Variants in SLIT3 observed in about 807,000 individuals in gnomAD.
The protein encoded by SLIT3 is slit homolog 3 protein.
SLIT3 carries 68 observed loss-of-function variants against 184.0 expected under a neutral mutation model. The ratio of observed to expected loss-of-function variants is 0.37; its 90% CI spans 0.30 to 0.45. The LOEUF is 0.45. Among genes scored for constraint, SLIT3 ranks in the 20% least tolerant of loss-of-function variants. The probability of loss-of-function intolerance (pLI) is 1.00; values close to 1 mark genes in which losing one functional copy is unlikely to be tolerated. For missense variants in SLIT3, 1,707 were observed against 2,026.0 expected, an observed-to-expected ratio of 0.84 and a Z score of 3.02; for synonymous variants, 831 against 828.6, an observed-to-expected ratio of 1.00 and a Z score of -0.05.
At chr5:169,195,806 G>T (rs534265245) in intron 3 of SLIT3, among the ~76,000 whole-genome samples, 1 of 152,284 alleles carries the variant, frequency 6.6e-6, no homozygotes, top group South Asian at 2.1e-4. Flanking sequence ...AATTACAGGA[G>T]TGAGTCACCG....
intron 4 of SLIT3, among the ~76,000 whole-genome samples, chr5:169,141,497 T>G (rs1761738608): frequency 6.6e-6 from 1 of 151,904 alleles, no homozygotes; most frequent in Non-Finnish European, 1.5e-5. Flanking sequence ...CCCAGTACTT[T>G]GGGAGGCCAA....
At chr5:169,043,026 T>C (rs2113028519) in intron 4 of SLIT3, among the ~76,000 whole-genome samples, 1 of 152,338 alleles carries the variant, frequency 6.6e-6, no homozygotes, top group Non-Finnish European at 1.5e-5. Context: ...TCTTTTGTAC[T>C]ACTACTAATG....
At chr5:169,203,089 A>G (rs1002717943) in intron 3 of SLIT3, among the ~76,000 whole-genome samples, 11 of 152,184 alleles carry the variant, frequency 7.2e-5, no homozygotes, top group African/African-American at 2.4e-4. Context: ...TCTGCAGAGA[A>G]TGGGCCAAAA....
intron 6 of SLIT3, among the ~76,000 whole-genome samples, chr5:168,837,393 C>T (rs1260811295): frequency 6.6e-6 from 1 of 152,202 alleles, no homozygotes; most frequent in Non-Finnish European, 1.5e-5. Context: ...TCTGCTGTAA[C>T]ACACCAATTT....
At chr5:168,956,892 A>C (rs1762844656) in intron 4 of SLIT3, among the ~76,000 whole-genome samples, 1 of 151,656 alleles carries the variant, frequency 6.6e-6, no homozygotes, top group South Asian at 2.1e-4. Context: ...CCAGGTCTGC[A>C]TATTCTCTTC....
intron 5 of SLIT3, among the ~76,000 whole-genome samples, chr5:168,862,937 A>G (rs1369483022): frequency 2.6e-5 from 4 of 152,178 alleles, no homozygotes; most frequent in Non-Finnish European, 4.4e-5. Flanking sequence ...AGTCTCCCAA[A>G]GTGTTGGGAT....
At chr5:169,178,646 C>A (rs1001778195) in intron 4 of SLIT3, among the ~76,000 whole-genome samples, 2 of 152,128 alleles carry the variant, frequency 1.3e-5, no homozygotes, top group Admixed American at 6.5e-5. Flanking sequence ...ATCTTTAGCA[C>A]CCCTATTCCC....
In SLIT3 at chr5:169,149,018, G is replaced by A. The variant is rs183498539; in HGVS notation, c.413+44461C>T. On this transcript the variant is annotated intron_variant, in intron 4 of 35. Transcript: ENST00000519560. The stretch of plus-strand genomic sequence containing the variant: ...CCCATTTTATAGAGGAGAAAACAGA[G>A]ACAGAAAGCCTGCATGACCCGCCAA... 1.7e-3 allele frequency among the ~76,000 whole-genome samples: 262 copies of A among 152,238 alleles called. 1 individual carries two copies. The highest frequency in any genetic ancestry group is 6.0e-3 in the African/African-American group (251 of 41,538).
chr5:169,103,035 G>A (rs2113234954), intron 4 of SLIT3, among the ~76,000 whole-genome samples: 1 of 152,246 alleles, frequency 6.6e-6, no homozygotes, highest in Admixed American at 6.5e-5. Context: ...AATAGTCATG[G>A]TGACATTTTT....
At chr5:169,058,231 C>T (rs117663258) in intron 4 of SLIT3, among the ~76,000 whole-genome samples, 9 of 152,238 alleles carry the variant, frequency 5.9e-5, no homozygotes, top group East Asian at 3.9e-4. Flanking sequence ...TAATGCCATG[C>T]GGCAAAGTGC....
chr5:168,818,131 A>T (rs1757399969), intron 7 of SLIT3, among the ~76,000 whole-genome samples: 1 of 152,136 alleles, frequency 6.6e-6, no homozygotes, highest in African/African-American at 2.4e-5. Context: ...CTTGCAATCC[A>T]TAGCCATCTC....
At chr5:168,911,065 C>A (rs1362736858) in intron 4 of SLIT3, among the ~76,000 whole-genome samples, 1 of 152,140 alleles carries the variant, frequency 6.6e-6, no homozygotes, top group Non-Finnish European at 1.5e-5. Context: ...AATCAAGCAG[C>A]CTCTTGATGG....
At chr5:168,754,118 T>C (rs1024286632) in intron 16 of SLIT3, 111 bp from the exon 17 acceptor site, 2 of 1,120,064 alleles carry the variant, frequency 1.8e-6, no homozygotes, top group African/African-American at 3.1e-5. Flanking sequence ...CCCCTGAGAC[T>C]GAGGACTGGA....
intron 14 of SLIT3, among the ~76,000 whole-genome samples, chr5:168,766,623 C>T (rs1171931946): frequency 1.3e-5 from 2 of 152,344 alleles, no homozygotes; most frequent in South Asian, 4.1e-4. Flanking sequence ...CTCATCACAG[C>T]CTGTGGCTGC....
intron 4 of SLIT3, among the ~76,000 whole-genome samples, chr5:168,919,183 C>T (rs556047878): frequency 4.6e-5 from 7 of 151,494 alleles, no homozygotes; most frequent in South Asian, 2.1e-4. Flanking sequence ...TGGCGTGAAC[C>T]CGGGAGGCGG....
At chr5:169,219,742 T>C (rs1764560845) in intron 3 of SLIT3, among the ~76,000 whole-genome samples, 1 of 152,208 alleles carries the variant, frequency 6.6e-6, no homozygotes. Context: ...TATCCTGAGA[T>C]AGAGCCACAT....
At chr5:168,712,002 A>C (rs913062153) in intron 24 of SLIT3, among the ~76,000 whole-genome samples, 1 of 152,232 alleles carries the variant, frequency 6.6e-6, no homozygotes, top group Non-Finnish European at 1.5e-5. Context: ...TTACAGTTGT[A>C]AGAAATAAAT....
intron 4 of SLIT3, among the ~76,000 whole-genome samples, chr5:168,897,647 T>TGCGCACACACACACAC (rs3223457): frequency 9.2e-5 from 13 of 141,524 alleles, no homozygotes; most frequent in Middle Eastern, 3.5e-3. Flanking sequence ...CAGGTGCACG[T>TGCGCACACACACACAC]ACACACACAC....
intron 4 of SLIT3, among the ~76,000 whole-genome samples, chr5:169,154,858 A>T (rs193067159): frequency 6.6e-6 from 1 of 152,382 alleles, no homozygotes; most frequent in East Asian, 1.9e-4. Flanking sequence ...CATGATCAGC[A>T]GAACGTTCTT....
Sources: allele counts gnomAD v4.1 joint callset (sites outside exome capture counted in the v4.1 genomes callset), GRCh38; gene constraint gnomAD v4.1.1; transcripts MANE v1.5; gene names NCBI Gene and HGNC (gene_info 2026-07-23, HGNC 2026-07-21).